The following SPARCL1 variants were observed in gnomAD, a reference collection of about 807,000 sequenced individuals.
SPARCL1 encodes SPARC like 1.
Under a neutral mutation model 67.1 loss-of-function variants are expected in SPARCL1, and 52 were observed. The ratio of observed to expected loss-of-function variants is 0.78; its 90% CI spans 0.62 to 0.98. The LOEUF (loss-of-function observed/expected upper bound fraction) is 0.98, where lower values mean the gene tolerates loss of function less well. SPARCL1 is among the 50% of genes least tolerant of loss of function. The pLI, the probability that SPARCL1 is intolerant of heterozygous loss-of-function variation, is 0.00. For missense variants in SPARCL1, 717 were observed against 782.4 expected (o/e 0.92, Z 1.00); for synonymous variants, 226 against 267.8 (o/e 0.84, Z 1.52).
At chr4:87,487,046 A>T (rs562836089) in intron 7 of SPARCL1, among the ~76,000 whole-genome samples, 4 of 151,220 alleles carry the variant, frequency 2.6e-5, no homozygotes, top group African/African-American at 9.7e-5. Context: ...CTTTTTATCC[A>T]ATTTGCCAGT....
In SPARCL1 at chr4:87,493,984, G is replaced by C; in HGVS notation, c.816C>G (p.Ser272=). The C allele has an allele frequency of 6.2e-7, 1 of 1,614,052 alleles. No individual in the cohort carries two copies. The highest frequency in any genetic ancestry group is 1.1e-5 in the South Asian group (1 of 91,068). The change falls in exon 4 of 11, where the codon TCC becomes TCG. Residue 272 remains serine, a synonymous_variant. Coordinates refer to ENST00000282470, the MANE Select transcript of SPARCL1 (RefSeq NM_004684.6). Reference sequence around the variant, plus strand: ...CATTTTCCTCTTCCATTTCTGCATTGGAGTTATCTTCTTGTTCTTGGTTAC... The same window carrying C: ...CATTTTCCTCTTCCATTTCTGCATTCGAGTTATCTTCTTGTTCTTGGTTAC... The part of the protein sequence containing the change: ...DQGNQEQEDN[S]NAEMEEENAS...
intron 10 of SPARCL1, among the ~76,000 whole-genome samples, chr4:87,475,112 G>T (rs575891446): frequency 1.3e-5 from 2 of 152,222 alleles, no homozygotes; most frequent in African/African-American, 4.8e-5. Context: ...TCTAAAAAAT[G>T]CTCCCCTTTT....
At chr4:87,503,991 A>G (rs1202227038) in intron 1 of SPARCL1, among the ~76,000 whole-genome samples, 1 of 151,994 alleles carries the variant, frequency 6.6e-6, no homozygotes, top group Admixed American at 6.5e-5. Context: ...TATAGCATAG[A>G]CTTCCTCATC....
Position 87,494,457 on chromosome 4 carries a change from G to A in SPARCL1, c.343C>T (p.Pro115Ser), listed in dbSNP as rs1724527446. 3 of 1,614,034 alleles carry A rather than the reference G, an allele frequency of 1.9e-6. No individual in the cohort carries two copies. The highest frequency in any genetic ancestry group is 2.5e-6 in the Non-Finnish European group (3 of 1,180,008). ...TTTATGTCCAATGTACCTTCAGTTGGTGCATACTCCAAATTCACACTTAAG... is the reference window on the plus strand; with the variant it reads ...TTTATGTCCAATGTACCTTCAGTTGATGCATACTCCAAATTCACACTTAAG... ...GHLSVNLEYA[P>S]TEGTLDIKED... The change falls in exon 4 of 11, where the codon CCA becomes TCA. Residue 115 changes from proline to serine, a missense_variant. By Grantham distance (74) the Pro-to-Ser change is moderately conservative. Transcript: ENST00000282470.
rs3037337 is a variant in SPARCL1, at chr4:87,511,967, C to CTTTTTTTTTTTT, written c.-11-12394_-11-12383dup. Among the ~76,000 whole-genome samples the CTTTTTTTTTTTT allele has an allele frequency of 1.9e-4, 23 of 121,564 alleles. 2 individuals carry two copies. Among genetic ancestry groups the CTTTTTTTTTTTT allele is most frequent in the East Asian group, 7.9e-4 (3 of 3,808 alleles). The allele number at this position is 121,564 out of a possible 152,430, so 79.8% of individuals were successfully genotyped here. A position where few individuals can be genotyped will look rare whatever the true frequency, so the allele number is the denominator to read the frequency against. ...TTCCTTTCCTTTCCTCTTTCTTTCTCTTTTTTTTTTTTTTTGAGACAGAGT... is the reference window on the plus strand; with the variant it reads ...TTCCTTTCCTTTCCTCTTTCTTTCTCTTTTTTTTTTTTTTTTTTTTTTTTTTTGAGACAGAGT... On this transcript the variant is annotated intron_variant, in intron 1 of 10. Coordinates refer to ENST00000282470, the MANE Select transcript of SPARCL1 (RefSeq NM_004684.6).
rs57597004 is a variant in SPARCL1 at position 87,486,888 on chromosome 4, C to CTTTTTTTTTTTTT, written c.1531+3372_1531+3384dup. Among the ~76,000 whole-genome samples, 14 of 27,992 alleles carry CTTTTTTTTTTTTT rather than the reference C, an allele frequency of 5.0e-4. 3 individuals carry two copies. Among genetic ancestry groups the CTTTTTTTTTTTTT allele is most frequent in the Admixed American group, 2.3e-3 (5 of 2,178 alleles). The allele number at this position is 27,992 out of a possible 152,430, so 18.4% of individuals were successfully genotyped here. On this transcript the variant is annotated intron_variant, in intron 7 of 10. Transcript: ENST00000282470. ...TCTGAGGCTAGTATTGCAATTCCTG[C>CTTTTTTTTTTTTT]TTTTTTTTTTTTTTTTTTTTTTTTT... is the stretch of plus-strand genomic sequence containing the variant.
chr4:87,490,470 A>G (rs1327498417), intron 6 of SPARCL1, 77 bp from the exon 7 acceptor site: 1 of 1,503,808 alleles, frequency 6.6e-7, no homozygotes, highest in Non-Finnish European at 8.9e-7. Context: ...TAAAGCTCAT[A>G]TGCTGATAAC....
chr4:87,499,806 G>T (rs1724773575), intron 1 of SPARCL1, among the ~76,000 whole-genome samples: 2 of 152,068 alleles, frequency 1.3e-5, no homozygotes, highest in South Asian at 4.1e-4. Flanking sequence ...GGCCATGTTC[G>T]GCAGAACCTA....
intron 1 of SPARCL1, among the ~76,000 whole-genome samples, chr4:87,527,054 C>T (rs1726073098): frequency 6.6e-6 from 1 of 152,230 alleles, no homozygotes; most frequent in South Asian, 2.1e-4. Flanking sequence ...ATATAAACCA[C>T]AGGTCATGGC....
At chr4:87,506,566 T>C (rs190937909) in intron 1 of SPARCL1, among the ~76,000 whole-genome samples, 1 of 152,258 alleles carries the variant, frequency 6.6e-6, no homozygotes, top group East Asian at 1.9e-4. Context: ...ACATTGATAT[T>C]CTGCTGTTGG....
At chr4:87,519,739 T>A (rs4693830) in intron 1 of SPARCL1, among the ~76,000 whole-genome samples, 91,573 of 152,040 alleles carry the variant, frequency 0.6, 29,468 homozygotes, top group African/African-American at 0.83. Flanking sequence ...TAATTTTATT[T>A]TTAAATATCT....
chr4:87,518,892 AAGGTTGGG>A (rs371656500), intron 1 of SPARCL1, among the ~76,000 whole-genome samples: 1 of 152,302 alleles, frequency 6.6e-6, no homozygotes, highest in East Asian at 1.9e-4. Context: ...TCCCCAGTAA[AAGGTTGGG>A]AGGATCCACT....
At position 87,480,429 on chromosome 4, in the gene SPARCL1, A is replaced by C. The variant is rs777049103; in HGVS notation, c.1760T>G (p.Met587Arg). 1 of 1,613,358 alleles carries C rather than the reference A, an allele frequency of 6.2e-7. No homozygotes were observed. The highest frequency in any genetic ancestry group is 1.3e-5 in the African/African-American group (1 of 74,882). Reference protein sequence around the residue: ...LLRDFKKNYHMYVYPVHWQFS... With the variant: ...LLRDFKKNYHRYVYPVHWQFS... ...CTGCCAGTGCACAGGATACACATAC[A>C]TGTGGTAGTTTTTCTTAAAGTCCCT... is the stretch of plus-strand genomic sequence containing the variant. Residue 587 changes from methionine (M) to arginine (R), a missense_variant, in exon 9 of 11, where the codon ATG (methionine) becomes AGG (arginine). By Grantham distance (91) the Met-to-Arg change is moderately conservative (BLOSUM62 -1). Transcript: ENST00000282470.
chr4:87,494,283 G>C lies in SPARCL1; in HGVS notation c.517C>G (p.His173Asp), dbSNP rs1159172958. The change falls in exon 4 of 11, where the codon CAT becomes GAT. Residue 173 changes from histidine to aspartate, a missense_variant. Physicochemically the swap from His to Asp is moderately conservative, Grantham distance 81. Coordinates refer to ENST00000282470, the MANE Select transcript of SPARCL1 (RefSeq NM_004684.6). ...TGTTTACTGCTCCTGTTCAACTGAT[G>C]ATGTGAATAATTTCTAGGTTGTTCT... ...NQEQPRNYSH[H>D]QLNRSSKHSQ... 1.2e-6 allele frequency: 2 copies of C among 1,613,986 alleles called. No homozygotes were observed. The highest frequency in any genetic ancestry group is 2.2e-5 in the South Asian group (2 of 91,062).
At chr4:87,514,818 AT>A (rs775903676) in intron 1 of SPARCL1, among the ~76,000 whole-genome samples, 9 of 152,236 alleles carry the variant, frequency 5.9e-5, no homozygotes, top group Non-Finnish European at 1.2e-4. Context: ...AATGAGAGAT[AT>A]TTTGAAAACA....
intron 8 of SPARCL1, among the ~76,000 whole-genome samples, chr4:87,480,896 G>A (rs1029464512): frequency 1.3e-5 from 2 of 148,212 alleles, no homozygotes; most frequent in African/African-American, 5.0e-5. Flanking sequence ...TTAGTGAAAA[G>A]TGCTGCTCCT....
chr4:87,527,574 A>T (rs1374603439), intron 1 of SPARCL1, among the ~76,000 whole-genome samples: 2 of 152,096 alleles, frequency 1.3e-5, no homozygotes, highest in African/African-American at 4.8e-5. Context: ...CATCACTATT[A>T]TTTTTACTTA....
At chr4:87,503,472 T>A (rs1472435419) in intron 1 of SPARCL1, among the ~76,000 whole-genome samples, 1 of 152,196 alleles carries the variant, frequency 6.6e-6, no homozygotes, top group East Asian at 1.9e-4. Flanking sequence ...TTATTACTAT[T>A]CTTTTCCTAT....
chr4:87,525,230 G>A (rs979578987), intron 1 of SPARCL1, among the ~76,000 whole-genome samples: 57 of 152,090 alleles, frequency 3.7e-4, no homozygotes, highest in Admixed American at 3.7e-3. Flanking sequence ...GGGGGAAACT[G>A]AGGCTCCTGA....
Sources: gnomAD v4.1 joint callset for allele counts (sites outside exome capture counted in the v4.1 genomes callset) on GRCh38, gnomAD v4.1.1 for gene constraint, MANE v1.5 for transcripts, NCBI Gene and HGNC (gene_info 2026-07-23, HGNC 2026-07-21) for gene names.